Variants in SMYD3 observed in about 807,000 individuals in gnomAD.
The protein encoded by SMYD3 is SET and MYND domain containing 3.
In SMYD3, 36 loss-of-function variants were observed where a neutral mutation model predicts 57.7. The ratio of observed to expected loss-of-function variants is 0.62; its 90% CI spans 0.48 to 0.82. SMYD3 has a LOEUF of 0.82. SMYD3 is among the 40% of genes least tolerant of loss of function. The pLI, the probability that SMYD3 is intolerant of heterozygous loss-of-function variation, is 0.00. For synonymous variants in SMYD3, 211 were observed against 195.0 expected (o/e 1.08, Z -0.68); for missense variants, 515 against 538.8 (o/e 0.96, Z 0.44).
At chr1:245,948,672 C>G (rs1488084420) in intron 5 of SMYD3, among the ~76,000 whole-genome samples, 5 of 152,196 alleles carry the variant, frequency 3.3e-5, no homozygotes, top group African/African-American at 1.2e-4. Context: ...TGTCCACATT[C>G]CTGGAGCCCC....
chr1:246,273,899 C>A (rs1372055495), intron 5 of SMYD3, among the ~76,000 whole-genome samples: 2 of 152,082 alleles, frequency 1.3e-5, no homozygotes, highest in Non-Finnish European at 2.9e-5. Flanking sequence ...TATTGCTTTC[C>A]TATTCTCTAT....
intron 5 of SMYD3, among the ~76,000 whole-genome samples, chr1:246,037,247 A>G (rs935524070): frequency 9.8e-5 from 15 of 152,336 alleles, no homozygotes; most frequent in African/African-American, 3.4e-4. Flanking sequence ...CTGTATCTAT[A>G]TAGTACCTGT....
At chr1:246,261,460 A>C (rs2064011105) in intron 5 of SMYD3, among the ~76,000 whole-genome samples, 1 of 151,870 alleles carries the variant, frequency 6.6e-6, no homozygotes, top group African/African-American at 2.4e-5. Flanking sequence ...TTAAAGATAT[A>C]ATCGTTTATT....
In SMYD3 at chr1:245,778,357, T is replaced by C. The variant is rs12043524; in HGVS notation, c.1077-14208A>G. Among the ~76,000 whole-genome samples, 14 of 152,258 alleles carry C rather than the reference T, an allele frequency of 9.2e-5. No homozygotes were observed. The East Asian group carries it at 2.7e-3, about 29-fold the overall frequency. ...TGGAGCACAATAGAAATTCAAGAAA[T>C]TGATTCACACAAATGTAGCCAATTA... On this transcript the variant is annotated intron_variant, in intron 10 of 11. Coordinates refer to ENST00000490107, the MANE Select transcript of SMYD3 (RefSeq NM_001167740.2).
intron 5 of SMYD3, chr1:245,930,416 C>A: frequency 3.0e-6 from 1 of 333,120 alleles, no homozygotes; most frequent in South Asian, 2.5e-5. Flanking sequence ...CGTGACTGAG[C>A]CTGTCGTCTG....
intron 5 of SMYD3, among the ~76,000 whole-genome samples, chr1:246,154,721 T>C (rs1476115640): frequency 2.6e-5 from 4 of 152,162 alleles, no homozygotes; most frequent in East Asian, 3.8e-4. Flanking sequence ...ACAATGACAA[T>C]GTATGAAATA....
At chr1:245,912,996 G>A (rs1209769230) in intron 8 of SMYD3, among the ~76,000 whole-genome samples, 1 of 152,144 alleles carries the variant, frequency 6.6e-6, no homozygotes, top group Non-Finnish European at 1.5e-5. Context: ...ATTTGACCCA[G>A]CCATCCCATT....
Position 246,355,290 on chromosome 1 carries a change from C to CTAAG in SMYD3, c.165-200_165-197dup. On this transcript the variant is annotated intron_variant, in intron 1 of 11. Coordinates refer to ENST00000490107, the MANE Select transcript of SMYD3 (RefSeq NM_001167740.2). This position sits in a 1 kb window ranked among gnomAD's most constrained non-coding sequence, Gnocchi z 5.0. ...TCCATGTGAGACACTGATAGAAAAA[C>CTAAG]TAAGTCCTTTTGTCTGACAGAAGAT... 3.6e-6 allele frequency: 2 copies of CTAAG among 563,294 alleles called. No individual in the cohort carries two copies. The highest frequency in any genetic ancestry group is 6.3e-6 in the Non-Finnish European group (2 of 317,930). The allele number at this position is 563,294 out of a possible 1,614,324, so 34.9% of individuals were successfully genotyped here.
intron 10 of SMYD3, among the ~76,000 whole-genome samples, chr1:245,841,023 T>A (rs2148418624): frequency 6.6e-6 from 1 of 152,348 alleles, no homozygotes; most frequent in Middle Eastern, 3.4e-3. Flanking sequence ...CTTTGGGAGA[T>A]ACTGTCATTC....
Position 245,759,113 on chromosome 1 carries a change from G to T in SMYD3, c.1185+4928C>A, listed in dbSNP as rs142303391. Among the ~76,000 whole-genome samples, 475 of 152,234 alleles carry T rather than the reference G, an allele frequency of 3.1e-3. 6 individuals carry two copies. The highest frequency in any genetic ancestry group is 0.027 in the Admixed American group (412 of 15,290). Reference sequence around the variant, plus strand: ...TTTCCCATAATACGACTTAATCACTGTGTTTGCATTTTATCCATTATTTTC... The same window carrying T: ...TTTCCCATAATACGACTTAATCACTTTGTTTGCATTTTATCCATTATTTTC... On this transcript the variant is annotated intron_variant, in intron 11 of 11. Coordinates refer to ENST00000490107, the MANE Select transcript of SMYD3 (RefSeq NM_001167740.2).
chr1:246,004,499 G>T (rs2059136384), intron 5 of SMYD3, among the ~76,000 whole-genome samples: 1 of 152,184 alleles, frequency 6.6e-6, no homozygotes, highest in Admixed American at 6.5e-5. Flanking sequence ...ATACTTCAAA[G>T]GAAGCAATTT....
At chr1:246,494,240 T>C (rs1444408892) in intron 1 of SMYD3, among the ~76,000 whole-genome samples, 1 of 152,230 alleles carries the variant, frequency 6.6e-6, no homozygotes, top group African/African-American at 2.4e-5. Context: ...TAATCTATCA[T>C]CTATACAAAC....
chr1:245,797,734 A>G (rs895055816), intron 10 of SMYD3, among the ~76,000 whole-genome samples: 6 of 150,058 alleles, frequency 4.0e-5, no homozygotes, highest in Non-Finnish European at 8.9e-5. Flanking sequence ...GAAACGGCCA[A>G]CTCTAAGGAG....
chr1:246,045,657 T>C (rs2059950730), intron 5 of SMYD3, among the ~76,000 whole-genome samples: 2 of 152,156 alleles, frequency 1.3e-5, no homozygotes, highest in African/African-American at 4.8e-5. Context: ...AAAGAGCTTC[T>C]GCACAGCAAA....
rs573331264 is a variant in SMYD3, at chr1:246,487,274, C to T, written c.164+19780G>A. Among the ~76,000 whole-genome samples, 7 of 152,138 alleles carry T rather than the reference C, an allele frequency of 4.6e-5. No homozygotes were observed. The South Asian group carries it at 1.5e-3, about 32-fold the overall frequency. ...CCAGCCTGGCCAATATAGCCAAACC[C>T]CATCTCTACTTAAAATACAAAAATT... On this transcript the variant is annotated intron_variant, in intron 1 of 11. Coordinates refer to ENST00000490107, the MANE Select transcript of SMYD3 (RefSeq NM_001167740.2).
chr1:245,970,535 G>C (rs2148025058), intron 5 of SMYD3, among the ~76,000 whole-genome samples: 1 of 152,090 alleles, frequency 6.6e-6, no homozygotes, highest in East Asian at 1.9e-4. Flanking sequence ...CTACAGAATG[G>C]GAGAAAAATT....
chr1:246,481,593 C>CATATATATATATATATATAT lies in SMYD3; in HGVS notation c.164+25460_164+25461insATATATATATATATATATAT, dbSNP rs1200097586. On this transcript the variant is annotated intron_variant, in intron 1 of 11. Coordinates refer to ENST00000490107, the MANE Select transcript of SMYD3 (RefSeq NM_001167740.2). ...ACGGATCATGGGACTTCTCAGGCTC[C>CATATATATATATATATATAT]ATATATATATATATACACATACATA... Among the ~76,000 whole-genome samples, 173 of 27,926 alleles carry CATATATATATATATATATAT rather than the reference C, an allele frequency of 6.2e-3. 11 individuals are homozygous for CATATATATATATATATATAT. The highest frequency in any genetic ancestry group is 0.013 in the African/African-American group (120 of 9,470). 18.3% of individuals were successfully genotyped at this position (27,926 alleles called of 152,430 possible). A position where few individuals can be genotyped will look rare whatever the true frequency, so the allele number is the denominator to read the frequency against.
intron 5 of SMYD3, among the ~76,000 whole-genome samples, chr1:246,181,681 C>T (rs4654217): frequency 0.46 from 69,066 of 150,650 alleles, 19,269 homozygotes; most frequent in Non-Finnish European, 0.63. Context: ...GAAACAGACA[C>T]ATAGGGGTCC....
chr1:246,437,384 T>C (rs2067396454), intron 1 of SMYD3, among the ~76,000 whole-genome samples: 2 of 152,186 alleles, frequency 1.3e-5, no homozygotes, highest in South Asian at 2.1e-4. Context: ...TGGTTAACTA[T>C]TCTAGCTGAA....
Sources: gnomAD v4.1 joint callset for allele counts (sites outside exome capture counted in the v4.1 genomes callset) on GRCh38, gnomAD v4.1.1 for gene constraint, Gnocchi (gnomAD v3.1) non-coding constraint, MANE v1.5 for transcripts, NCBI Gene and HGNC (gene_info 2026-07-23, HGNC 2026-07-21) for gene names.